CYP2J2: variants seen among roughly 807,000 people sequenced by gnomAD.
The protein encoded by CYP2J2 is cytochrome P450 2J2.
CYP2J2 carries 41 observed loss-of-function variants against 48.8 expected under a neutral mutation model. The ratio of observed to expected loss-of-function variants is 0.84; its 90% CI spans 0.66 to 1.09. The LOEUF (loss-of-function observed/expected upper bound fraction) is 1.09. Ranked by LOEUF, CYP2J2 falls within the 50% of genes least tolerant of loss-of-function variation. CYP2J2 has a pLI of 0.00. For missense variants in CYP2J2, 644 were observed against 617.3 expected (o/e 1.04, Z -0.46); for synonymous variants, 221 against 227.1 (o/e 0.97, Z 0.24).
Position 59,909,869 on chromosome 1 carries a change from G to T in CYP2J2, c.776C>A (p.Ser259Tyr), listed in dbSNP as rs776485705. Reference protein sequence around the residue: ...SNWKKLKLFVSHMIDKHRKDW... With the variant: ...SNWKKLKLFVYHMIDKHRKDW... Reference sequence around the variant, plus strand: ...CTTTCTGTGTTTGTCAATCATATGAGAAACAAACAATTTCAGTTTTTTCCA... The same window carrying T: ...CTTTCTGTGTTTGTCAATCATATGATAAACAAACAATTTCAGTTTTTTCCA... Residue 259 changes from serine (S) to tyrosine (Y), a missense_variant, in exon 5 of 9, where the codon TCT becomes TAT. Coordinates refer to ENST00000371204, the MANE Select transcript of CYP2J2 (RefSeq NM_000775.4). 4 of 1,611,764 alleles carry T rather than the reference G, an allele frequency of 2.5e-6. No homozygotes were observed. The highest frequency in any genetic ancestry group is 3.4e-6 in the Non-Finnish European group (4 of 1,178,608).
At chr1:59,929,359 T>C (rs939621225), upstream of CYP2J2, among the ~76,000 whole-genome samples, 2 of 152,186 alleles carry the variant, frequency 1.3e-5, no homozygotes, top group Non-Finnish European at 2.9e-5. Context: ...CAAAAAATGA[T>C]AAGACATGCA....
chr1:59,896,802 C>A (rs1374745734), intron 8 of CYP2J2, among the ~76,000 whole-genome samples: 1 of 152,156 alleles, frequency 6.6e-6, no homozygotes, highest in East Asian at 1.9e-4. Flanking sequence ...AAAGACAAAA[C>A]CATAAAATGT....
At chr1:59,949,596 A>G in the CYP2J2 span, among the ~76,000 whole-genome samples, 2 of 152,146 alleles carry the variant, frequency 1.3e-5, no homozygotes, top group Non-Finnish European at 2.9e-5. Context: ...CTAATTCCAT[A>G]AAGTCTCAAA....
At chr1:59,899,617 T>C (rs1644299806) in intron 8 of CYP2J2, among the ~76,000 whole-genome samples, 1 of 152,222 alleles carries the variant, frequency 6.6e-6, no homozygotes, top group Non-Finnish European at 1.5e-5. Flanking sequence ...CAGTAGATAG[T>C]GTTAGCAAGA....
intron 1 of CYP2J2, among the ~76,000 whole-genome samples, chr1:59,921,647 C>T (rs966484974): frequency 4.6e-5 from 7 of 150,930 alleles, no homozygotes; most frequent in South Asian, 2.2e-4. Context: ...TTGGTCTAAC[C>T]GGTTGTCTAG....
At chr1:59,923,153 G>T (rs1305239345) in intron 1 of CYP2J2, among the ~76,000 whole-genome samples, 1 of 152,320 alleles carries the variant, frequency 6.6e-6, no homozygotes, top group Middle Eastern at 3.4e-3. Flanking sequence ...TATGCCAGAG[G>T]GATCCCTGTC....
chr1:59,931,859 T>C, the CYP2J2 span, among the ~76,000 whole-genome samples: 1 of 152,152 alleles, frequency 6.6e-6, no homozygotes, highest in African/African-American at 2.4e-5. Context: ...ATTTCTTATT[T>C]TGCAAATTTC....
the CYP2J2 span, among the ~76,000 whole-genome samples, chr1:59,968,721 G>A: frequency 4.6e-5 from 7 of 152,228 alleles, no homozygotes; most frequent in Non-Finnish European, 8.8e-5. Flanking sequence ...ACCAGCACAT[G>A]CAGGTCACTG....
At chr1:59,905,290 C>T (rs868495340) in intron 6 of CYP2J2, among the ~76,000 whole-genome samples, 4 of 152,184 alleles carry the variant, frequency 2.6e-5, no homozygotes, top group Admixed American at 6.5e-5. Flanking sequence ...TATGGCTAAA[C>T]TTCATTACAT....
chr1:59,901,568 T>C (rs2280275), intron 7 of CYP2J2, among the ~76,000 whole-genome samples: 34,167 of 152,056 alleles, frequency 0.22, 4,852 homozygotes, highest in African/African-American at 0.41. Flanking sequence ...GTCTAGTACA[T>C]GGCACCCCAC....
chr1:59,951,450 C>G, the CYP2J2 span, among the ~76,000 whole-genome samples: 1 of 152,132 alleles, frequency 6.6e-6, no homozygotes, highest in Non-Finnish European at 1.5e-5. Flanking sequence ...AGCAAAAAAT[C>G]AGATAACTGA....
At chr1:59,943,070 A>G in the CYP2J2 span, among the ~76,000 whole-genome samples, 1 of 152,220 alleles carries the variant, frequency 6.6e-6, no homozygotes, top group Non-Finnish European at 1.5e-5. Flanking sequence ...TGGAACAATA[A>G]AGAATTCTCT....
At chr1:59,912,590 T>G (rs1644427775) in intron 2 of CYP2J2, 1 of 288,544 alleles carries the variant, frequency 3.5e-6, no homozygotes, top group Non-Finnish European at 6.4e-6. Flanking sequence ...CCCACACATT[T>G]TACTAATGAA....
chr1:59,935,569 C>A, the CYP2J2 span, among the ~76,000 whole-genome samples: 52 of 151,878 alleles, frequency 3.4e-4, no homozygotes, highest in Non-Finnish European at 6.5e-4. Context: ...AGCAGAAAAA[C>A]ATAAAAGATA....
At chr1:59,940,049 A>G in the CYP2J2 span, among the ~76,000 whole-genome samples, 1 of 152,184 alleles carries the variant, frequency 6.6e-6, no homozygotes, top group Non-Finnish European at 1.5e-5. Context: ...CAGACTCCCA[A>G]GAGCTCACTT....
At chr1:59,951,910 A>G in the CYP2J2 span, among the ~76,000 whole-genome samples, 5 of 152,010 alleles carry the variant, frequency 3.3e-5, no homozygotes, top group Non-Finnish European at 7.4e-5. Flanking sequence ...TTTTAATCAA[A>G]TCTCCTACCC....
the CYP2J2 span, among the ~76,000 whole-genome samples, chr1:59,959,574 ATATGTATG>A: frequency 1.3e-5 from 2 of 152,098 alleles, no homozygotes; most frequent in South Asian, 2.1e-4. Context: ...GTATGTGTAT[ATATGTATG>A]TATGTATGTG....
chr1:59,926,626 T>G lies in CYP2J2; in HGVS notation c.121A>C (p.Lys41Gln), dbSNP rs757811845. 34 of 1,614,058 alleles carry G rather than the reference T, an allele frequency of 2.1e-5. No individual in the cohort carries two copies. In the South Asian group the frequency reaches 3.6e-4, roughly 17 times the overall value. ...CGCCAGGGCCCCGGCGGGTAGTTCT[T>G]TGGGCGCCGTCTTTTGAGAAAGTCA... Reference protein sequence around the residue: ...AADFLKRRRPKNYPPGPWRLP... With the variant: ...AADFLKRRRPQNYPPGPWRLP... Residue 41 changes from lysine (K) to glutamine (Q), a missense_variant, in exon 1 of 9, where the codon AAG becomes CAG. By Grantham distance (53) the Lys-to-Gln change is moderately conservative. Transcript: ENST00000371204.
chr1:59,912,224 C>T lies in CYP2J2; in HGVS notation c.461G>A (p.Ser154Asn). ...CTCCTCCTGAATGCGTTCCTCTAAG[C>T]TCTTCTTTCCTAAACCAAAGTTCCT... Reference protein sequence around the residue: ...ALRNFGLGKKSLEERIQEEAQ... With the variant: ...ALRNFGLGKKNLEERIQEEAQ... The change falls in exon 3 of 9, where the codon AGC (serine) becomes AAC (asparagine). Residue 154 changes from serine to asparagine, a missense_variant. By Grantham distance (46) the Ser-to-Asn change is conservative. Coordinates refer to ENST00000371204, the MANE Select transcript of CYP2J2 (RefSeq NM_000775.4). The T allele has an allele frequency of 6.2e-7, 1 of 1,613,922 alleles. No individual in the cohort carries two copies. The highest frequency in any genetic ancestry group is 8.5e-7 in the Non-Finnish European group (1 of 1,179,862).
Sources: allele counts gnomAD v4.1 joint callset (sites outside exome capture counted in the v4.1 genomes callset), GRCh38; gene constraint gnomAD v4.1.1; transcripts MANE v1.5; gene names NCBI Gene and HGNC (gene_info 2026-07-23, HGNC 2026-07-21).